Variants in TUSC3 observed in about 807,000 individuals in gnomAD.
TUSC3 encodes dolichyl-diphosphooligosaccharide--protein glycosyltransferase subunit TUSC3.
Under a neutral mutation model 44.8 loss-of-function variants are expected in TUSC3, and 45 were observed. The ratio of observed to expected loss-of-function variants is 1.00; its 90% CI spans 0.79 to 1.29. TUSC3 has a LOEUF of 1.29. TUSC3 is among the 50% of genes most tolerant of loss of function. The pLI is 0.00. For missense variants in TUSC3, 519 were observed against 437.9 expected, an observed-to-expected ratio of 1.19 and a Z score of -1.65; for synonymous variants, 212 against 152.9, an observed-to-expected ratio of 1.39 and a Z score of -2.85.
the TUSC3 span, among the ~76,000 whole-genome samples, chr8:15,788,582 G>C: frequency 4.7e-5 from 7 of 148,374 alleles, no homozygotes. Flanking sequence ...AAATTTCAAA[G>C]CTGTTTACAA....
At chr8:15,576,011 T>G (rs1803089654) in intron 1 of TUSC3, among the ~76,000 whole-genome samples, 1 of 152,096 alleles carries the variant, frequency 6.6e-6, no homozygotes, top group Non-Finnish European at 1.5e-5. Context: ...ATTTTGAAAC[T>G]GATTTCAGCT....
At chr8:15,565,621 CTT>C (rs1802637773) in intron 1 of TUSC3, among the ~76,000 whole-genome samples, 1 of 152,162 alleles carries the variant, frequency 6.6e-6, no homozygotes, top group Non-Finnish European at 1.5e-5. Context: ...TTTTCTTTAA[CTT>C]TGTTTCTTTT....
At chr8:15,556,842 G>C (rs1246786821) in intron 1 of TUSC3, among the ~76,000 whole-genome samples, 39 of 127,334 alleles carry the variant, frequency 3.1e-4, no homozygotes, top group Non-Finnish European at 6.8e-5. Flanking sequence ...CCCACTTTTT[G>C]ATGGGGTTGT....
At chr8:15,750,167 C>T (rs905601863) in intron 9 of TUSC3, among the ~76,000 whole-genome samples, 23 of 151,350 alleles carry the variant, frequency 1.5e-4, no homozygotes, top group South Asian at 4.2e-4. Flanking sequence ...TTTTAGTAGA[C>T]GCAGAGTTTC....
chr8:15,482,055 C>T (rs977807984), intron 1 of TUSC3, among the ~76,000 whole-genome samples: 1 of 152,180 alleles, frequency 6.6e-6, no homozygotes, highest in Non-Finnish European at 1.5e-5. Context: ...TTGTTGTCAT[C>T]TCAACAATGT....
chr8:15,564,387 A>C (rs535678114), intron 1 of TUSC3, among the ~76,000 whole-genome samples: 2 of 152,184 alleles, frequency 1.3e-5, no homozygotes, highest in Non-Finnish European at 2.9e-5. Context: ...TCAACAGAGT[A>C]GTATTATAAA....
chr8:15,704,593 C>T (rs540219504), intron 6 of TUSC3, among the ~76,000 whole-genome samples: 88 of 152,066 alleles, frequency 5.8e-4, no homozygotes, highest in African/African-American at 1.9e-3. Flanking sequence ...TAGACTGTAA[C>T]GCTGGTTCTC....
rs1563247134 is a variant in TUSC3 at position 15,423,969 on chromosome 8, G to GTTTTTGTTTTGTTTTTTTTTT, written n.91+6669_91+6670insGTTTTGTTTTTTTTTTTTTTT. 3.1e-4 allele frequency among the ~76,000 whole-genome samples: 22 copies of GTTTTTGTTTTGTTTTTTTTTT among 70,394 alleles called. 4 individuals are homozygous for GTTTTTGTTTTGTTTTTTTTTT. The highest frequency in any genetic ancestry group is 1.1e-3 in the East Asian group (2 of 1,812). The allele number at this position is 70,394 out of a possible 152,430, so 46.2% of individuals were successfully genotyped here. A position where few individuals can be genotyped will look rare whatever the true frequency, so the allele number is the denominator to read the frequency against. On this transcript the variant is annotated intron_variant and non_coding_transcript_variant, in intron 1 of 5. Transcript: ENST00000503191. ...TACAGCATTCATACTGTTTTGCTTT[G>GTTTTTGTTTTGTTTTTTTTTT]TTTTTTTTTTTTTTTTTTTTTTTTT...
chr8:15,809,774 C>A, the TUSC3 span, among the ~76,000 whole-genome samples: 2 of 152,144 alleles, frequency 1.3e-5, no homozygotes, highest in Non-Finnish European at 2.9e-5. Context: ...GATAAAAGAA[C>A]GACTGTAATT....
intron 6 of TUSC3, among the ~76,000 whole-genome samples, chr8:15,708,245 A>G (rs1024771475): frequency 6.6e-6 from 1 of 151,952 alleles, no homozygotes; most frequent in African/African-American, 2.4e-5. Flanking sequence ...AGGATAATAA[A>G]TGTAGAGGAA....
intron 9 of TUSC3, among the ~76,000 whole-genome samples, chr8:15,754,939 C>T (rs1811862912): frequency 6.6e-6 from 1 of 152,016 alleles, no homozygotes; most frequent in Non-Finnish European, 1.5e-5. Context: ...TGCCCTTCAT[C>T]ATATTTTTTC....
chr8:15,750,202 A>G (rs995362244), intron 9 of TUSC3, among the ~76,000 whole-genome samples: 13 of 151,846 alleles, frequency 8.6e-5, no homozygotes, highest in Non-Finnish European at 1.9e-4. Context: ...GATGGTCTCG[A>G]TCTCCTGACC....
chr8:15,443,613 T>G (rs1449358287), intron 1 of TUSC3, among the ~76,000 whole-genome samples: 2 of 152,114 alleles, frequency 1.3e-5, no homozygotes, highest in Non-Finnish European at 2.9e-5. Flanking sequence ...TGGGAGGAAC[T>G]TAATTTATAG....
intron 5 of TUSC3, among the ~76,000 whole-genome samples, chr8:15,667,265 C>T (rs75266594): frequency 7.3e-5 from 11 of 151,498 alleles, no homozygotes; most frequent in Non-Finnish European, 1.5e-4. Context: ...TGTAAAGATA[C>T]GTCTTACCTT....
At chr8:15,767,748 C>A (rs921634561), downstream of TUSC3, among the ~76,000 whole-genome samples, 2 of 152,080 alleles carry the variant, frequency 1.3e-5, no homozygotes, top group African/African-American at 2.4e-5. Context: ...ACTCAGAAGT[C>A]TCTCAGGTGA....
chr8:15,696,272 G>T (rs968113040), intron 6 of TUSC3, among the ~76,000 whole-genome samples: 1 of 152,152 alleles, frequency 6.6e-6, no homozygotes, highest in Non-Finnish European at 1.5e-5. Flanking sequence ...AACGGGCCAA[G>T]GTACAGCTCG....
chr8:15,624,285 T>A (rs1344179258), intron 2 of TUSC3, among the ~76,000 whole-genome samples: 1 of 152,204 alleles, frequency 6.6e-6, no homozygotes, highest in East Asian at 1.9e-4. Flanking sequence ...TATGAGCATT[T>A]TTCTGCAGGT....
chr8:15,716,047 G>A (rs1249225503), intron 6 of TUSC3, among the ~76,000 whole-genome samples: 1 of 151,994 alleles, frequency 6.6e-6, no homozygotes, highest in Non-Finnish European at 1.5e-5. Flanking sequence ...CTTGAGATAA[G>A]GAGTTCAAGA....
chr8:15,778,259 A>C, the TUSC3 span, among the ~76,000 whole-genome samples: 1 of 152,312 alleles, frequency 6.6e-6, no homozygotes, highest in African/African-American at 2.4e-5. Context: ...ACTGCAATTC[A>C]TACTAACGTA....
Sources: gnomAD v4.1 joint callset for allele counts (sites outside exome capture counted in the v4.1 genomes callset) on GRCh38, gnomAD v4.1.1 for gene constraint, MANE v1.5 for transcripts, NCBI Gene and HGNC (gene_info 2026-07-23, HGNC 2026-07-21) for gene names.